Variants in SF3B3 observed in about 807,000 individuals in gnomAD.
SF3B3 encodes the protein SAP 130.
Under a neutral mutation model 139.2 loss-of-function variants are expected in SF3B3, and 33 were observed. That is an observed-to-expected ratio of 0.24 (90% CI 0.18 to 0.32). SF3B3 has a LOEUF of 0.32. SF3B3 is among the 10% of genes least tolerant of loss of function. SF3B3 has a pLI of 1.00. For missense variants in SF3B3, 818 were observed against 1,509.4 expected, an observed-to-expected ratio of 0.54 and a Z score of 7.59; for synonymous variants, 596 against 563.6, an observed-to-expected ratio of 1.06 and a Z score of -0.81.
intron 6 of SF3B3, among the ~76,000 whole-genome samples, chr16:70,536,263 G>A (rs753811324): frequency 6.6e-6 from 1 of 151,774 alleles, no homozygotes; most frequent in Non-Finnish European, 1.5e-5. Context: ...TGCCCCCCGG[G>A]TTCAAGTGAT....
At position 70,569,058 on chromosome 16, in the gene SF3B3, A is replaced by G; in HGVS notation, c.3181A>G (p.Asn1061Asp). ...TTCCTTGTAGGTGAGGCTCCCACCT[A>G]ACACCAATGATGAAGTAGATGAGGA... ...GNICVVRLPP[N>D]TNDEVDEDPT... is the part of the protein sequence containing the mutation. The change falls in exon 23 of 26, where the codon AAC becomes GAC. Residue 1061 changes from asparagine to aspartate, a missense_variant. By Grantham distance (23) the Asn-to-Asp change is conservative (BLOSUM62 1). Around this residue, in one of 14 missense-constraint regions of SF3B3, gnomAD observed 91 missense variants for 171.8 expected, o/e 0.53. Coordinates refer to ENST00000302516, the MANE Select transcript of SF3B3 (RefSeq NM_012426.5). The G allele has an allele frequency of 6.2e-7, 1 of 1,610,638 alleles. No homozygotes were observed. Among genetic ancestry groups the G allele is most frequent in the Non-Finnish European group, 8.5e-7 (1 of 1,178,774 alleles).
chr16:70,564,107 A>C, intron 18 of SF3B3, 57 bp downstream of exon 18: 2 of 1,564,866 alleles, frequency 1.3e-6, no homozygotes, highest in African/African-American at 1.4e-5. Flanking sequence ...TATGTTGAAA[A>C]GTTTAAACTG....
intron 18 of SF3B3, among the ~76,000 whole-genome samples, 184 bp downstream of exon 18, chr16:70,564,234 T>A (rs2050454956): frequency 6.6e-6 from 1 of 151,992 alleles, no homozygotes; most frequent in African/African-American, 2.4e-5. Flanking sequence ...TAGCCTGGTG[T>A]GTTGGTGCAC....
In SF3B3 at chr16:70,574,666, T is replaced by G. The variant is rs553902300; in HGVS notation, c.*2853T>G. 19 of 152,330 alleles carry G rather than the reference T, an allele frequency of 1.2e-4. 1 individual carries two copies. Among genetic ancestry groups the G allele is most frequent in the African/African-American group, 4.6e-4 (19 of 41,574 alleles). The allele number at this position is 152,330 out of a possible 1,614,324, so 9.4% of individuals were successfully genotyped here. On this transcript the variant is annotated 3_prime_UTR_variant, in exon 26 of 26. Transcript: ENST00000302516. Reference sequence around the variant, plus strand: ...TGTGCCATCACGTCCAGCTAATTTTTGTATTTTTAGTAGAGAAGGTTTTAC... The same window carrying G: ...TGTGCCATCACGTCCAGCTAATTTTGGTATTTTTAGTAGAGAAGGTTTTAC...
intron 5 of SF3B3, among the ~76,000 whole-genome samples, chr16:70,532,983 A>G (rs560792806): frequency 6.6e-6 from 1 of 152,200 alleles, no homozygotes; most frequent in Non-Finnish European, 1.5e-5. Flanking sequence ...ACCCCACAAG[A>G]TGGAACTTGT....
intron 4 of SF3B3, among the ~76,000 whole-genome samples, chr16:70,531,661 G>T (rs1298876320): frequency 6.6e-6 from 1 of 152,190 alleles, no homozygotes; most frequent in Non-Finnish European, 1.5e-5. Context: ...TGCTTCAGAG[G>T]TTAAGCAACT....
chr16:70,571,141 A>G lies in SF3B3; in HGVS notation c.3455A>G (p.His1152Arg), dbSNP rs776838517. Residue 1152 changes from histidine to arginine, a missense_variant, in exon 25 of 26, where the codon CAT becomes CGT. By Grantham distance (29) the His-to-Arg change is conservative. Transcript: ENST00000302516. ...QHVEMHLRSE[H>R]PPLCGRDHLS... Reference sequence around the variant, plus strand: ...GTGGAAATGCACCTGCGGTCTGAACATCCCCCTCTCTGTGGGCGGGACCAC... The same window carrying G: ...GTGGAAATGCACCTGCGGTCTGAACGTCCCCCTCTCTGTGGGCGGGACCAC... The G allele has an allele frequency of 4.3e-6, 7 of 1,613,036 alleles. No homozygotes were observed. The Admixed American group carries it at 1.0e-4, about 23-fold the overall frequency.
chr16:70,530,759 CAG>C lies in SF3B3; in HGVS notation c.414_415del (p.Lys139IlefsTer39). ...TTCAACTACAGGTGCCATTGAGAAACAGAAATTGGTGTATATTTTGAACAGAG... is the reference window on the plus strand; with the variant it reads ...TTCAACTACAGGTGCCATTGAGAAACAAATTGGTGTATATTTTGAACAGAG... ...RAVMISAIEK[Q>X]KLVYILNRDA... On this transcript the variant is annotated frameshift_variant, in exon 4 of 26. Coordinates refer to ENST00000302516, the MANE Select transcript of SF3B3 (RefSeq NM_012426.5). LOFTEE classifies it high-confidence loss of function. 1 of 1,610,640 alleles carries C rather than the reference CAG, an allele frequency of 6.2e-7. No homozygotes were observed. The highest frequency in any genetic ancestry group is 8.5e-7 in the Non-Finnish European group (1 of 1,179,004).
At chr16:70,540,374 C>A (rs962948339) in intron 8 of SF3B3, among the ~76,000 whole-genome samples, 1 of 120,540 alleles carries the variant, frequency 8.3e-6, no homozygotes, top group Admixed American at 8.6e-5. Context: ...GCCTTCTTAG[C>A]TTTTTGGGGT....
Position 70,545,493 on chromosome 16 carries a change from C to G in SF3B3, c.1329+960C>G, listed in dbSNP as rs114642697. Among the ~76,000 whole-genome samples, 664 of 152,230 alleles carry G rather than the reference C, an allele frequency of 4.4e-3. 4 individuals carry two copies. Among genetic ancestry groups the G allele is most frequent in the African/African-American group, 0.015 (613 of 41,532 alleles). On this transcript the variant is annotated intron_variant, in intron 10 of 25. Transcript: ENST00000302516. ...ACACTAAAAGTTATCTTCTTGAATC[C>G]CATATTCTCTGTGTATCGTAGTCCT...
At chr16:70,567,643 G>GT in intron 21 of SF3B3, 107 bp downstream of exon 21, 1 of 1,315,112 alleles carries the variant, frequency 7.6e-7, no homozygotes, top group Non-Finnish European at 1.0e-6. Flanking sequence ...ATTAGGACTT[G>GT]TTGTGTTACC....
rs1245914419 is a variant in SF3B3, at chr16:70,572,214, G to C, written c.*401G>C. 2.2e-6 allele frequency: 1 copy of C among 445,018 alleles called. No homozygotes were observed. Among genetic ancestry groups the C allele is most frequent in the East Asian group, 6.9e-5 (1 of 14,444 alleles). 27.6% of individuals were successfully genotyped at this position (445,018 alleles called of 1,614,324 possible). On this transcript the variant is annotated 3_prime_UTR_variant, in exon 26 of 26. Coordinates refer to ENST00000302516, the MANE Select transcript of SF3B3 (RefSeq NM_012426.5). ...TGTGGGAGGAAGGAGGCAGGCTGTG[G>C]TGGGACTGGGTAGGGTATAGTATCA...
At chr16:70,566,088 G>T (rs1040054441) in intron 20 of SF3B3, among the ~76,000 whole-genome samples, 1 of 150,890 alleles carries the variant, frequency 6.6e-6, no homozygotes, top group South Asian at 2.1e-4. Flanking sequence ...TTGCACTCTA[G>T]CCTGGGTGAC....
intron 11 of SF3B3, among the ~76,000 whole-genome samples, chr16:70,553,527 A>G (rs746565976): frequency 6.6e-6 from 1 of 152,150 alleles, no homozygotes; most frequent in Non-Finnish European, 1.5e-5. Context: ...CAAAAATTCA[A>G]ATGTAAACTA....
intron 10 of SF3B3, among the ~76,000 whole-genome samples, chr16:70,545,483 T>A (rs1010634693): frequency 3.3e-5 from 5 of 152,226 alleles, no homozygotes; most frequent in African/African-American, 1.2e-4. Context: ...AAAAGTTATC[T>A]TCTTGAATCC....
intron 3 of SF3B3, 95 bp downstream of exon 3, chr16:70,529,294 G>A (rs2050098016): frequency 1.0e-6 from 1 of 1,002,276 alleles, no homozygotes; most frequent in East Asian, 2.4e-5. Context: ...TACTTATGTG[G>A]GTTTGGCATC....
intron 11 of SF3B3, chr16:70,550,172 G>A (rs886065627): frequency 1.2e-4 from 18 of 152,092 alleles, no homozygotes; most frequent in African/African-American, 4.1e-4. Context: ...CAGTGATTAA[G>A]ATAGACTCTG....
intron 16 of SF3B3, 51 bp from the exon 17 acceptor site, chr16:70,561,579 T>G: frequency 6.4e-7 from 1 of 1,561,934 alleles, no homozygotes; most frequent in South Asian, 1.1e-5. Flanking sequence ...TATACCATAT[T>G]TGTATTTTTT....
At chr16:70,530,127 A>AAAATAAAT (rs148897352) in intron 3 of SF3B3, among the ~76,000 whole-genome samples, 8,606 of 133,050 alleles carry the variant, frequency 0.065, 297 homozygotes, top group African/African-American at 0.07. Flanking sequence ...CTGCATCTCA[A>AAAATAAAT]AAATAAATAA....
Sources: allele counts gnomAD v4.1 joint callset (sites outside exome capture counted in the v4.1 genomes callset), GRCh38; gene constraint gnomAD v4.1.1; regional missense constraint gnomAD v4.1.1; transcripts MANE v1.5; gene names NCBI Gene and HGNC (gene_info 2026-07-23, HGNC 2026-07-21).